CDKN2B: variants seen among roughly 807,000 people sequenced by gnomAD.
CDKN2B encodes the protein cyclin-dependent kinase 4 inhibitor B.
In CDKN2B, 8 loss-of-function variants were observed where a neutral mutation model predicts 7.7. The ratio of observed to expected loss-of-function variants is 1.04; its 90% CI spans 0.61 to 1.87. The LOEUF (loss-of-function observed/expected upper bound fraction) is 1.87. Ranked by LOEUF, CDKN2B falls within the 40% of genes most tolerant of loss-of-function variation. The pLI, the probability that CDKN2B is intolerant of heterozygous loss-of-function variation, is 0.00. For synonymous variants in CDKN2B, 93 were observed against 95.8 expected (o/e 0.97, Z 0.17); for missense variants, 244 against 213.1 (o/e 1.15, Z -0.90).
Position 22,008,831 on chromosome 9 carries a change from G to A in CDKN2B, c.123C>T (p.Asn41=), listed in dbSNP as rs1256028060. 4 of 1,608,348 alleles carry A rather than the reference G, an allele frequency of 2.5e-6. No individual in the cohort carries two copies. Among genetic ancestry groups the A allele is most frequent in the Non-Finnish European group, 3.4e-6 (4 of 1,177,722 alleles). Reference sequence around the variant, plus strand: ...CGCGCCTCCCGAAACGGTTGACTCCGTTGGGATCCGCGCCGGCTTCCAGGA... The same window carrying A: ...CGCGCCTCCCGAAACGGTTGACTCCATTGGGATCCGCGCCGGCTTCCAGGA... The part of the protein sequence containing the change: ...RQLLEAGADP[N]GVNRFGRRAI... The change falls in exon 1 of 2, where the codon AAC becomes AAT. Residue 41 remains asparagine, a synonymous_variant. Transcript: ENST00000276925.
Position 22,005,004 on chromosome 9 carries a change from T to C in CDKN2B, c.*983A>G, listed in dbSNP as rs1821094619. ...TTTTAACTGAGAGCCACTAGTTATGTTACTTAAAATCTCCCCATTAAATAA... is the reference window on the plus strand; with the variant it reads ...TTTTAACTGAGAGCCACTAGTTATGCTACTTAAAATCTCCCCATTAAATAA... On this transcript the variant is annotated 3_prime_UTR_variant, in exon 2 of 2. Coordinates refer to ENST00000276925, the MANE Select transcript of CDKN2B (RefSeq NM_004936.4). The surrounding 1 kb of genome is among the most constrained non-coding windows in gnomAD (Gnocchi z 4.9). The C allele has an allele frequency of 4.3e-6, 1 of 233,298 alleles. No individual in the cohort carries two copies. The highest frequency in any genetic ancestry group is 6.0e-5 in the East Asian group (1 of 16,592). The allele number at this position is 233,298 out of a possible 1,614,324, so 14.5% of individuals were successfully genotyped here. A position where few individuals can be genotyped will look rare whatever the true frequency, so the allele number is the denominator to read the frequency against.
chr9:22,008,241 AT>A (rs1821291465), intron 1 of CDKN2B, among the ~76,000 whole-genome samples: 4 of 152,176 alleles, frequency 2.6e-5, no homozygotes, highest in African/African-American at 9.7e-5. Context: ...AGAACTATAT[AT>A]TTTTTCTCTT....
At position 22,004,732 on chromosome 9, in the gene CDKN2B, A is replaced by G. The variant is rs187514719; in HGVS notation, c.*1255T>C. The G allele has an allele frequency of 2.1e-4, 49 of 233,028 alleles. No individual in the cohort carries two copies. The highest frequency in any genetic ancestry group is 2.5e-3 in the Middle Eastern group (2 of 786). The allele number at this position is 233,028 out of a possible 1,614,324, so 14.4% of individuals were successfully genotyped here. A position where few individuals can be genotyped will look rare whatever the true frequency, so the allele number is the denominator to read the frequency against. ...ATATATTTTCAAGTTTTTATACTCA[A>G]TCTACTTTTTCAGCAATCTTTTGGG... On this transcript the variant is annotated 3_prime_UTR_variant, in exon 2 of 2. Coordinates refer to ENST00000276925, the MANE Select transcript of CDKN2B (RefSeq NM_004936.4).
In CDKN2B at chr9:22,003,463, A is replaced by G. The variant is rs1821016077; in HGVS notation, c.*2524T>C. On this transcript the variant is annotated 3_prime_UTR_variant, in exon 2 of 2. Coordinates refer to ENST00000276925, the MANE Select transcript of CDKN2B (RefSeq NM_004936.4). ...AAGGGATAATTTTTCATGACCCAGTATAATGCAACTAGCAAATTTAAACAT... is the reference window on the plus strand; with the variant it reads ...AAGGGATAATTTTTCATGACCCAGTGTAATGCAACTAGCAAATTTAAACAT... 2 of 227,784 alleles carry G rather than the reference A, an allele frequency of 8.8e-6. No individual in the cohort carries two copies. The highest frequency in any genetic ancestry group is 2.2e-5 in the African/African-American group (1 of 45,106). The allele number at this position is 227,784 out of a possible 1,614,324, so 14.1% of individuals were successfully genotyped here. A position where few individuals can be genotyped will look rare whatever the true frequency, so the allele number is the denominator to read the frequency against.
rs748308679 is a variant in CDKN2B at position 22,008,906 on chromosome 9, C to G, written c.48G>C (p.Glu16Asp). Reference protein sequence around the residue: ...KGMPSGGGSDEGLASAAARGL... With the variant: ...KGMPSGGGSDDGLASAAARGL... Reference sequence around the variant, plus strand: ...CCCGCGCCGCGGCGCTGGCCAGACCCTCATCGCTGCCGCCCCCACTGGGCA... The same window carrying G: ...CCCGCGCCGCGGCGCTGGCCAGACCGTCATCGCTGCCGCCCCCACTGGGCA... Residue 16 changes from glutamate to aspartate, a missense_variant, in exon 1 of 2, where the codon GAG becomes GAC. Physicochemically the swap from Glu to Asp is conservative, Grantham distance 45. Transcript: ENST00000276925. The G allele has an allele frequency of 2.5e-6, 4 of 1,612,988 alleles. No individual in the cohort carries two copies. The highest frequency in any genetic ancestry group is 4.5e-5 in the East Asian group (2 of 44,882).
Position 22,009,045 on chromosome 9 carries a change from C to A in CDKN2B, c.-92G>T. ...TCCCTTCTTTCCCACGCTGCTCCGGCGCACTCTCTCCTTCCTAGGAGACCT... is the reference window on the plus strand; with the variant it reads ...TCCCTTCTTTCCCACGCTGCTCCGGAGCACTCTCTCCTTCCTAGGAGACCT... On this transcript the variant is annotated 5_prime_UTR_variant, in exon 1 of 2. Transcript: ENST00000276925. The A allele has an allele frequency of 6.4e-7, 1 of 1,573,474 alleles. No homozygotes were observed. The highest frequency in any genetic ancestry group is 8.7e-7 in the Non-Finnish European group (1 of 1,145,820).
Position 22,004,534 on chromosome 9 carries a change from A to AT in CDKN2B, c.*1452dup. The AT allele has an allele frequency of 4.3e-6, 1 of 232,516 alleles. No homozygotes were observed. The highest frequency in any genetic ancestry group is 6.1e-5 in the East Asian group (1 of 16,412). The allele number at this position is 232,516 out of a possible 1,614,324, so 14.4% of individuals were successfully genotyped here. On this transcript the variant is annotated 3_prime_UTR_variant, in exon 2 of 2. Coordinates refer to ENST00000276925, the MANE Select transcript of CDKN2B (RefSeq NM_004936.4). ...GTTAGTGGTAAACCCATGAACATGT[A>AT]TTTTTAAACCAAATTACCCACCTCT...
chr9:22,006,739 C>T lies in CDKN2B; in HGVS notation c.157-492G>A, dbSNP rs368867598. On this transcript the variant is annotated intron_variant, in intron 1 of 1. Transcript: ENST00000276925. This position sits in a 1 kb window ranked among gnomAD's most constrained non-coding sequence, Gnocchi z 6.4. Reference sequence around the variant, plus strand: ...ATGGTTTAGGGGAGAAAATAAACAACTAAGTTTTTTTCTTTCTTTTTTTTT... The same window carrying T: ...ATGGTTTAGGGGAGAAAATAAACAATTAAGTTTTTTTCTTTCTTTTTTTTT... 2.6e-5 allele frequency among the ~76,000 whole-genome samples: 4 copies of T among 152,044 alleles called. No homozygotes were observed. The highest frequency in any genetic ancestry group is 9.6e-5 in the African/African-American group (4 of 41,490).
Position 22,003,618 on chromosome 9 carries a change from A to G in CDKN2B, c.*2369T>C. The stretch of plus-strand genomic sequence containing the variant: ...TGTAAAATACTGTAACTTTAAAAAT[A>G]TTATTCTTGTAGCCTCTAATGATTG... On this transcript the variant is annotated 3_prime_UTR_variant, in exon 2 of 2. Transcript: ENST00000276925. 1 of 229,956 alleles carries G rather than the reference A, an allele frequency of 4.3e-6. No individual in the cohort carries two copies. The highest frequency in any genetic ancestry group is 8.6e-6 in the Non-Finnish European group (1 of 116,092). 14.2% of individuals were successfully genotyped at this position (229,956 alleles called of 1,614,324 possible). A position where few individuals can be genotyped will look rare whatever the true frequency, so the allele number is the denominator to read the frequency against.
In CDKN2B at chr9:22,005,112, ATGTG is replaced by A. The variant is rs3028393; in HGVS notation, c.*871_*874del. 1.7e-3 allele frequency: 381 copies of A among 224,978 alleles called. No individual in the cohort carries two copies. Among genetic ancestry groups the A allele is most frequent in the South Asian group, 4.4e-3 (23 of 5,258 alleles). 13.9% of individuals were successfully genotyped at this position (224,978 alleles called of 1,614,324 possible). On this transcript the variant is annotated 3_prime_UTR_variant, in exon 2 of 2. Coordinates refer to ENST00000276925, the MANE Select transcript of CDKN2B (RefSeq NM_004936.4). This position sits in a 1 kb window ranked among gnomAD's most constrained non-coding sequence, Gnocchi z 4.9. ...CATAAGGGGATTTCCGCATCCTAGC[ATGTG>A]TGTGTGTGTGTGTGTGTGTGTGTGT...
At position 22,005,976 on chromosome 9, in the gene CDKN2B, G is replaced by A. The variant is rs760216883; in HGVS notation, c.*11C>T. 6.9e-6 allele frequency: 11 copies of A among 1,600,588 alleles called. No homozygotes were observed. In the African/African-American group the frequency reaches 1.2e-4, roughly 17 times the overall value. On this transcript the variant is annotated 3_prime_UTR_variant, in exon 2 of 2. Transcript: ENST00000276925. The surrounding 1 kb of genome is among the most constrained non-coding windows in gnomAD (Gnocchi z 4.9). ...AAATAAAGTCGTTGTGGGCGGCTGG[G>A]GAACCTGGCGTCAGTCCCCCGTGGC... is the stretch of plus-strand genomic sequence containing the variant.
At position 22,008,993 on chromosome 9, in the gene CDKN2B, C is replaced by G; in HGVS notation, c.-40G>C. 6.2e-7 allele frequency: 1 copy of G among 1,613,432 alleles called. No individual in the cohort carries two copies. Among genetic ancestry groups the G allele is most frequent in the East Asian group, 2.2e-5 (1 of 44,874 alleles). Reference sequence around the variant, plus strand: ...ACGCGCAGCGGCCCGGATAATCCACCGTTGGCCGTAAACTTAACGACACTC... The same window carrying G: ...ACGCGCAGCGGCCCGGATAATCCACGGTTGGCCGTAAACTTAACGACACTC... On this transcript the variant is annotated 5_prime_UTR_variant, in exon 1 of 2. Coordinates refer to ENST00000276925, the MANE Select transcript of CDKN2B (RefSeq NM_004936.4).
Position 22,009,124 on chromosome 9 carries a change from A to G in CDKN2B, c.-171T>C. On this transcript the variant is annotated 5_prime_UTR_variant, in exon 1 of 2. Transcript: ENST00000276925. ...CCTTCTGCGGCTTGGGGCCCCGTGC[A>G]GTGGCCGAGCGGCCGGTCGTTAGCT... The G allele has an allele frequency of 1.1e-6, 1 of 929,492 alleles. No homozygotes were observed. Among genetic ancestry groups the G allele is most frequent in the East Asian group, 2.7e-5 (1 of 37,670 alleles). 57.6% of individuals were successfully genotyped at this position (929,492 alleles called of 1,614,324 possible).
intron 1 of CDKN2B, among the ~76,000 whole-genome samples, chr9:22,007,255 A>C (rs1447276318): frequency 6.6e-6 from 1 of 152,148 alleles, no homozygotes; most frequent in East Asian, 1.9e-4. Flanking sequence ...CCAGCAACTC[A>C]GGAGGCTGAG....
chr9:22,008,871 T>A lies in CDKN2B; in HGVS notation c.83A>T (p.Glu28Val), dbSNP rs1821337598. 1 of 1,612,184 alleles carries A rather than the reference T, an allele frequency of 6.2e-7. No homozygotes were observed. Among genetic ancestry groups the A allele is most frequent in the Non-Finnish European group, 8.5e-7 (1 of 1,179,590 alleles). ...LASAAARGLV[E>V]KVRQLLEAGA... is the part of the protein sequence containing the mutation. ...GGCTTCCAGGAGCTGTCGCACCTTCTCCACTAGTCCCCGCGCCGCGGCGCT... is the reference window on the plus strand; with the variant it reads ...GGCTTCCAGGAGCTGTCGCACCTTCACCACTAGTCCCCGCGCCGCGGCGCT... The change falls in exon 1 of 2, where the codon GAG (glutamate) becomes GTG (valine). Residue 28 changes from glutamate to valine, a missense_variant. Glu to Val is a moderately radical substitution (Grantham distance 121). Coordinates refer to ENST00000276925, the MANE Select transcript of CDKN2B (RefSeq NM_004936.4).
chr9:22,005,875 G>T lies in CDKN2B; in HGVS notation c.*112C>A. 1 of 1,406,112 alleles carries T rather than the reference G, an allele frequency of 7.1e-7. No homozygotes were observed. The highest frequency in any genetic ancestry group is 9.7e-7 in the Non-Finnish European group (1 of 1,029,696). The allele number at this position is 1,406,112 out of a possible 1,614,324, so 87.1% of individuals were successfully genotyped here. A position where few individuals can be genotyped will look rare whatever the true frequency, so the allele number is the denominator to read the frequency against. ...CTGTGAGTCTCAGACAGGCTTGCAG[G>T]CTTACAGGCTTTCCGCCGCTCCCCG... On this transcript the variant is annotated 3_prime_UTR_variant, in exon 2 of 2. Coordinates refer to ENST00000276925, the MANE Select transcript of CDKN2B (RefSeq NM_004936.4). This position sits in a 1 kb window ranked among gnomAD's most constrained non-coding sequence, Gnocchi z 4.9.
chr9:22,008,957 G>T lies in CDKN2B; in HGVS notation c.-4C>A, dbSNP rs761414872. 1 of 1,612,926 alleles carries T rather than the reference G, an allele frequency of 6.2e-7. No individual in the cohort carries two copies. The highest frequency in any genetic ancestry group is 2.2e-5 in the East Asian group (1 of 44,874). The stretch of plus-strand genomic sequence containing the variant: ...TGCCCTTGTTCTCCTCGCGCATTCC[G>T]CAGCCCCCAGACGCGCAGCGGCCCG... On this transcript the variant is annotated 5_prime_UTR_variant, in exon 1 of 2. Transcript: ENST00000276925.
chr9:22,008,682 C>G, intron 1 of CDKN2B, 116 bp downstream of exon 1: 1 of 1,609,582 alleles, frequency 6.2e-7, no homozygotes, highest in Non-Finnish European at 8.5e-7. Context: ...CACCTCCGGC[C>G]AACGGAGACT....
chr9:22,008,804 C>G lies in CDKN2B; in HGVS notation c.150G>C (p.Ala50=), dbSNP rs748216703. 6.2e-7 allele frequency: 1 copy of G among 1,604,886 alleles called. No homozygotes were observed. The highest frequency in any genetic ancestry group is 8.5e-7 in the Non-Finnish European group (1 of 1,175,492). The part of the protein sequence containing the change: ...PNGVNRFGRR[A]IQVMMMGSAR... ...GCCCTGGGGCCCCAGCTACCTGGAT[C>G]GCGCGCCTCCCGAAACGGTTGACTC... The change falls in exon 1 of 2, where the codon GCG becomes GCC. Residue 50 remains alanine, a synonymous_variant. Coordinates refer to ENST00000276925, the MANE Select transcript of CDKN2B (RefSeq NM_004936.4).
Sources: gnomAD v4.1 joint callset for allele counts (sites outside exome capture counted in the v4.1 genomes callset) on GRCh38, gnomAD v4.1.1 for gene constraint, Gnocchi (gnomAD v3.1) non-coding constraint, MANE v1.5 for transcripts, NCBI Gene and HGNC (gene_info 2026-07-23, HGNC 2026-07-21) for gene names.